Variants in HOXC5 observed in about 807,000 individuals in gnomAD.
HOXC5 encodes the protein homeobox C5, also known as homeobox protein Hox-C5.
Under a neutral mutation model 20.1 loss-of-function variants are expected in HOXC5, and 19 were observed. The ratio of observed to expected loss-of-function variants is 0.94; its 90% confidence interval spans 0.66 to 1.38. The LOEUF (loss-of-function observed/expected upper bound fraction) is 1.38, where lower values mean the gene tolerates loss of function less well. Ranked by LOEUF, HOXC5 falls within the 40% of genes most tolerant of loss-of-function variation. HOXC5 has a pLI of 0.00. For synonymous variants in HOXC5, 124 were observed against 117.0 expected, an observed-to-expected ratio of 1.06 and a Z score of -0.39; for missense variants, 330 against 300.1, an observed-to-expected ratio of 1.10 and a Z score of -0.74.
the HOXC5 span, chr12:54,016,955 T>C: frequency 3.9e-5 from 6 of 152,072 alleles, no homozygotes; most frequent in African/African-American, 1.4e-4. Context: ...CTCCCTTCAT[T>C]AGCAGTATTT....
chr12:54,023,169 G>T, the HOXC5 span, among the ~76,000 whole-genome samples: 3 of 152,204 alleles, frequency 2.0e-5, no homozygotes, highest in Non-Finnish European at 4.4e-5. Flanking sequence ...TGGAATAGAG[G>T]TGGGAGGCTT....
At chr12:54,034,027 C>A in intron 1 of HOXC5, 1 of 686,608 alleles carries the variant, frequency 1.5e-6, no homozygotes, top group East Asian at 2.9e-5. Context: ...CTGGGTCTCC[C>A]TCTTCCCCCC....
intron 1 of HOXC5, 135 bp downstream of exon 1, chr12:54,033,711 A>G: frequency 1.3e-6 from 1 of 767,588 alleles, no homozygotes; most frequent in South Asian, 1.9e-5. Context: ...ACTGTCCACT[A>G]AAAGGCTTAG....
rs1941142402 is a variant in HOXC5 at position 54,034,880 on chromosome 12, C to A, written c.*388C>A. The A allele has an allele frequency of 3.7e-6, 1 of 268,322 alleles. No homozygotes were observed. Among genetic ancestry groups the A allele is most frequent in the Non-Finnish European group, 7.3e-6 (1 of 137,526 alleles). 16.6% of individuals were successfully genotyped at this position (268,322 alleles called of 1,614,324 possible). A position where few individuals can be genotyped will look rare whatever the true frequency, so the allele number is the denominator to read the frequency against. On this transcript the variant is annotated 3_prime_UTR_variant, in exon 2 of 2. Coordinates refer to ENST00000312492, the MANE Select transcript of HOXC5 (RefSeq NM_018953.4). ...GGCCCGGCCCGCGCCACAGGACCCT[C>A]GCCGGACCCTCTAACCTCGCCCTCT... is the stretch of plus-strand genomic sequence containing the variant.
chr12:54,029,980 A>AC, upstream of HOXC5: 1 of 1,512,100 alleles, frequency 6.6e-7, no homozygotes, highest in Non-Finnish European at 8.9e-7. Flanking sequence ...TGTCCCTGCC[A>AC]CCCCTCTCTC....
chr12:54,021,022 C>T, the HOXC5 span: 1 of 152,260 alleles, frequency 6.6e-6, no homozygotes, highest in African/African-American at 2.4e-5. Context: ...TAGTCAGGGC[C>T]CTGGCGCTGG....
the HOXC5 span, among the ~76,000 whole-genome samples, chr12:54,022,749 TA>T: frequency 6.6e-6 from 1 of 152,200 alleles, no homozygotes; most frequent in Admixed American, 6.5e-5. Flanking sequence ...CTGCCATGTA[TA>T]ACTGGTAGGA....
upstream of HOXC5, among the ~76,000 whole-genome samples, chr12:54,032,269 C>T (rs1941013105): frequency 6.6e-6 from 1 of 152,188 alleles, no homozygotes; most frequent in African/African-American, 2.4e-5. Flanking sequence ...CAGCCTGCAA[C>T]ACCCTCAGCT....
upstream of HOXC5, chr12:54,028,267 A>ATTTT (rs926541390): frequency 1.5e-3 from 110 of 75,632 alleles, no homozygotes; most frequent in African/African-American, 1.5e-3. Flanking sequence ...ATATATATAT[A>ATTTT]TTTTTTAAAA....
At chr12:54,032,874 C>T, upstream of HOXC5, 1 of 295,246 alleles carries the variant, frequency 3.4e-6, no homozygotes, top group Non-Finnish European at 6.3e-6. Flanking sequence ...GCCAACATAT[C>T]GAGATGCTTT....
At chr12:54,018,377 G>A in the HOXC5 span, among the ~76,000 whole-genome samples, 9 of 152,218 alleles carry the variant, frequency 5.9e-5, no homozygotes, top group African/African-American at 1.4e-4. Flanking sequence ...AAGGCCCTAG[G>A]CTGGGCGGGG....
the HOXC5 span, chr12:54,022,516 T>C: frequency 1.3e-5 from 2 of 152,276 alleles, no homozygotes; most frequent in Admixed American, 1.3e-4. Context: ...TCCCAGTCTC[T>C]CTCTCTCTCT....
upstream of HOXC5, chr12:54,028,357 C>G (rs1182940950): frequency 1.5e-6 from 1 of 670,714 alleles, no homozygotes; most frequent in East Asian, 2.8e-5. Flanking sequence ...TTTTTTCCCC[C>G]TTCCTGACAT....
chr12:54,028,852 A>C, upstream of HOXC5: 1 of 1,614,102 alleles, frequency 6.2e-7, no homozygotes, highest in Non-Finnish European at 8.5e-7. Flanking sequence ...GCAGGGCAGG[A>C]CTGCGCCCCA....
the HOXC5 span, chr12:54,021,731 C>G: frequency 6.6e-6 from 1 of 152,336 alleles, no homozygotes; most frequent in African/African-American, 2.4e-5. Context: ...GACATTACTC[C>G]AGGATTGTGC....
chr12:54,031,114 C>A (rs897241410), upstream of HOXC5, among the ~76,000 whole-genome samples: 3 of 152,268 alleles, frequency 2.0e-5, no homozygotes, highest in Admixed American at 1.3e-4. Flanking sequence ...GGGCACCAAC[C>A]CCACGCAGGC....
At chr12:54,029,411 G>GCCC (rs1296757845), upstream of HOXC5, among the ~76,000 whole-genome samples, 295 of 76,866 alleles carry the variant, frequency 3.8e-3, 2 homozygotes, top group East Asian at 0.013. Context: ...CCGCCCCCCC[G>GCCC]CCCCCCCCCC....
upstream of HOXC5, chr12:54,028,745 A>T: frequency 6.2e-7 from 1 of 1,614,112 alleles, no homozygotes; most frequent in Non-Finnish European, 8.5e-7. Flanking sequence ...TATGGATCTA[A>T]TTCCTTTTAC....
chr12:54,021,986 A>G, the HOXC5 span: 1 of 152,264 alleles, frequency 6.6e-6, no homozygotes, highest in East Asian at 1.9e-4. Flanking sequence ...AATAGTCTTA[A>G]AACAGGGCAG....
Sources: allele counts gnomAD v4.1 joint callset (sites outside exome capture counted in the v4.1 genomes callset), GRCh38; gene constraint gnomAD v4.1.1; transcripts MANE v1.5; gene names NCBI Gene and HGNC (gene_info 2026-07-23, HGNC 2026-07-21).